NUGGC: variants seen among roughly 807,000 people sequenced by gnomAD.
NUGGC encodes the protein nuclear GTPase, germinal center associated.
A neutral mutation model predicts 92.6 loss-of-function variants in NUGGC; 58 were observed. The ratio of observed to expected loss-of-function variants is 0.63; its 90% CI spans 0.51 to 0.78. The LOEUF is 0.78. Ranked by LOEUF, NUGGC falls within the 30% of genes least tolerant of loss-of-function variation. The probability of loss-of-function intolerance (pLI) is 0.00; values close to 1 mark genes in which losing one functional copy is unlikely to be tolerated. For synonymous variants in NUGGC, 376 were observed against 366.4 expected, an observed-to-expected ratio of 1.03 and a Z score of -0.30; for missense variants, 925 against 964.6, an observed-to-expected ratio of 0.96 and a Z score of 0.54.
intron 1 of NUGGC, among the ~76,000 whole-genome samples, chr8:28,076,512 G>T (rs1284009932): frequency 1.3e-5 from 2 of 152,162 alleles, no homozygotes; most frequent in East Asian, 3.8e-4. Context: ...GGCCAGGCTG[G>T]TCTTGAACTC....
intron 13 of NUGGC, among the ~76,000 whole-genome samples, chr8:28,038,214 C>T (rs777051497): frequency 4.6e-5 from 7 of 152,174 alleles, no homozygotes; most frequent in Non-Finnish European, 1.0e-4. Context: ...CACCAGAATG[C>T]TCTCCCTTCT....
chr8:28,081,923 CAAG>C (rs35079142), intron 1 of NUGGC, among the ~76,000 whole-genome samples: 6,971 of 150,978 alleles, frequency 0.046, 565 homozygotes, highest in African/African-American at 0.16. Flanking sequence ...CTTGCTCTCA[CAAG>C]AAGGTGAGCT....
chr8:28,055,479 C>T (rs1470712276), intron 10 of NUGGC, among the ~76,000 whole-genome samples: 1 of 152,184 alleles, frequency 6.6e-6, no homozygotes, highest in African/African-American at 2.4e-5. Flanking sequence ...AGATAGATAT[C>T]ATTATCTCCC....
At chr8:28,048,673 C>T (rs1056859232) in intron 10 of NUGGC, among the ~76,000 whole-genome samples, 3 of 151,922 alleles carry the variant, frequency 2.0e-5, no homozygotes, top group Admixed American at 1.3e-4. Context: ...ACCAGCCTGG[C>T]CAATATGGTG....
chr8:28,025,740 T>C lies in NUGGC; in HGVS notation c.2245+1222A>G, dbSNP rs370733100. ...AACGGATTGTTAGAAGCAGCCATTG[T>C]GGCTTTGACTTTGGGAACAGCTCTG... is the stretch of plus-strand genomic sequence containing the variant. On this transcript the variant is annotated intron_variant, in intron 18 of 18. Transcript: ENST00000413272. Among the ~76,000 whole-genome samples, 3 of 152,352 alleles carry C rather than the reference T, an allele frequency of 2.0e-5. No individual in the cohort carries two copies. In the East Asian group the frequency reaches 5.8e-4, roughly 29 times the overall value.
intron 1 of NUGGC, among the ~76,000 whole-genome samples, chr8:28,079,342 C>G (rs1230684787): frequency 6.6e-6 from 1 of 152,042 alleles, no homozygotes; most frequent in Admixed American, 6.6e-5. Context: ...GAGTTTGAGA[C>G]CAGCCTGACC....
intron 10 of NUGGC, among the ~76,000 whole-genome samples, chr8:28,050,233 A>C (rs1563221629): frequency 6.6e-6 from 1 of 151,794 alleles, no homozygotes; most frequent in Non-Finnish European, 1.5e-5. Context: ...TAAAAATACA[A>C]AATTAGCCAG....
chr8:28,062,986 C>T (rs1391637528), intron 7 of NUGGC, among the ~76,000 whole-genome samples: 1 of 151,832 alleles, frequency 6.6e-6, no homozygotes, highest in African/African-American at 2.4e-5. Context: ...CAACCTGCAT[C>T]TCCCCAGGCC....
At chr8:28,070,705 C>T (rs1284451823) in intron 2 of NUGGC, among the ~76,000 whole-genome samples, 3 of 151,130 alleles carry the variant, frequency 2.0e-5, no homozygotes, top group African/African-American at 7.3e-5. Context: ...ATGTGATCCT[C>T]CCACCTCAGC....
rs114951850 is a variant in NUGGC, at chr8:28,067,703, A to G, written c.522T>C (p.His174=). 5,032 of 1,613,890 alleles carry G rather than the reference A, an allele frequency of 3.1e-3. 122 individuals carry two copies. The African/African-American group carries it at 0.052, about 17-fold the overall frequency. ...CTTCTCTGCTCAGCTCCTCCGTCCTATGCAGGAGTTTGGTCAGGTTCTTCA... is the reference window on the plus strand; with the variant it reads ...CTTCTCTGCTCAGCTCCTCCGTCCTGTGCAGGAGTTTGGTCAGGTTCTTCA... The part of the protein sequence containing the change: ...EELKNLTKLL[H]RTEELSREEA... The change falls in exon 6 of 19, where the codon CAT becomes CAC. Residue 174 remains histidine (H), a synonymous_variant. Transcript: ENST00000413272.
chr8:28,030,035 A>G (rs528824465), intron 16 of NUGGC, among the ~76,000 whole-genome samples: 1 of 152,266 alleles, frequency 6.6e-6, no homozygotes, highest in East Asian at 1.9e-4. Context: ...CAAAAATGAG[A>G]ACCTGGACAC....
At chr8:28,062,521 A>G (rs1324903182) in intron 7 of NUGGC, among the ~76,000 whole-genome samples, 1 of 151,854 alleles carries the variant, frequency 6.6e-6, no homozygotes, top group East Asian at 1.9e-4. Context: ...GGAGGCTGGG[A>G]CAGCAGGATT....
intron 7 of NUGGC, among the ~76,000 whole-genome samples, chr8:28,063,363 C>A (rs980206897): frequency 2.0e-5 from 3 of 152,200 alleles, no homozygotes; most frequent in African/African-American, 7.2e-5. Flanking sequence ...GCGGCTCCAT[C>A]CAGCGAGAGG....
At chr8:28,052,962 T>A (rs910822570) in intron 10 of NUGGC, among the ~76,000 whole-genome samples, 1 of 152,096 alleles carries the variant, frequency 6.6e-6, no homozygotes, top group Non-Finnish European at 1.5e-5. Context: ...AATTCCAGAT[T>A]TTTTTGCAAA....
chr8:28,082,631 G>A (rs1810878838), intron 1 of NUGGC, among the ~76,000 whole-genome samples: 1 of 152,194 alleles, frequency 6.6e-6, no homozygotes, highest in Non-Finnish European at 1.5e-5. Flanking sequence ...GCCTGAGCAT[G>A]GTGGCTCATG....
intron 12 of NUGGC, among the ~76,000 whole-genome samples, 168 bp from the exon 13 acceptor site, chr8:28,041,383 T>A (rs1037609282): frequency 9.2e-5 from 14 of 152,232 alleles, no homozygotes; most frequent in South Asian, 4.1e-4. Flanking sequence ...CAGACCCCTT[T>A]AGGCTTTGTG....
chr8:28,042,971 C>T (rs1418558469), intron 12 of NUGGC, among the ~76,000 whole-genome samples: 6 of 152,156 alleles, frequency 3.9e-5, no homozygotes, highest in South Asian at 2.1e-4. Flanking sequence ...GGAGTAAATA[C>T]GTTTTAGAGT....
chr8:28,031,361 G>C lies in NUGGC; in HGVS notation c.1790C>G (p.Ser597Ter). 6.2e-7 allele frequency: 1 copy of C among 1,613,972 alleles called. No individual in the cohort carries two copies. The highest frequency in any genetic ancestry group is 8.5e-7 in the Non-Finnish European group (1 of 1,179,842). ...AGCATCTATGTGAGGCATCAGAGCT[G>C]AACCAGTGGGCTTCCCCGTCCTACG... The part of the protein sequence containing the change: ...SIFRTGKPTG[S>*]ALMPHIDAFK... The change falls in exon 15 of 19, where the codon TCA becomes TGA. Residue 597 changes from serine to a stop codon, truncating the protein, a stop_gained. Transcript: ENST00000413272. LOFTEE classifies it high-confidence loss of function.
intron 7 of NUGGC, among the ~76,000 whole-genome samples, chr8:28,061,132 A>T (rs941708869): frequency 6.6e-6 from 1 of 152,120 alleles, no homozygotes; most frequent in Non-Finnish European, 1.5e-5. Context: ...CCCTGGGGAA[A>T]ATTCTTGTTT....
Sources: allele counts gnomAD v4.1 joint callset (sites outside exome capture counted in the v4.1 genomes callset), GRCh38; gene constraint gnomAD v4.1.1; transcripts MANE v1.5; gene names NCBI Gene and HGNC (gene_info 2026-07-23, HGNC 2026-07-21).